The following CACNB2 variants were observed in gnomAD, a reference collection of about 807,000 sequenced individuals.
CACNB2 encodes voltage-dependent L-type calcium channel subunit beta-2.
A neutral mutation model predicts 73.3 loss-of-function variants in CACNB2; 42 were observed. The observed-to-expected ratio is 0.57, with a 90% CI of 0.45 to 0.74. The LOEUF is 0.74. Among genes scored for constraint, CACNB2 ranks in the 30% least tolerant of loss-of-function variants. The pLI is 0.00. For missense variants in CACNB2, 940 were observed against 853.0 expected (o/e 1.10, Z -1.27); for synonymous variants, 348 against 310.3 (o/e 1.12, Z -1.28).
chr10:18,388,581 C>T (rs2043332600), intron 2 of CACNB2, among the ~76,000 whole-genome samples: 1 of 152,130 alleles, frequency 6.6e-6, no homozygotes, highest in Non-Finnish European at 1.5e-5. Context: ...GAACCAAAGT[C>T]ATATCTTTCC....
At chr10:18,146,223 T>C (rs1386537004) in intron 1 of CACNB2, among the ~76,000 whole-genome samples, 3 of 152,164 alleles carry the variant, frequency 2.0e-5, no homozygotes, top group Admixed American at 2.0e-4. Flanking sequence ...TGGCTTTGTT[T>C]GTTTTAGGTC....
chr10:18,268,520 C>T lies in CACNB2; in HGVS notation c.213+117545C>T, dbSNP rs147825130. ...AGAATACGTTATATAAAAATTAAGA[C>T]GTAGAGCAATGTATATAGTATGATT... On this transcript the variant is annotated intron_variant, in intron 2 of 13. Coordinates refer to ENST00000324631, the MANE Select transcript of CACNB2 (RefSeq NM_201596.3). Among the ~76,000 whole-genome samples the T allele has an allele frequency of 5.1e-3, 780 of 152,206 alleles. 14 individuals are homozygous for T. Among genetic ancestry groups the T allele is most frequent in the African/African-American group, 0.017 (717 of 41,526 alleles).
At chr10:18,231,195 G>T (rs544885906) in intron 2 of CACNB2, among the ~76,000 whole-genome samples, 1 of 152,078 alleles carries the variant, frequency 6.6e-6, no homozygotes, top group African/African-American at 2.4e-5. Context: ...CTTCTTTTTT[G>T]AGACAGCGTT....
chr10:18,154,951 T>C (rs966603758), intron 2 of CACNB2, among the ~76,000 whole-genome samples: 11 of 152,210 alleles, frequency 7.2e-5, no homozygotes, highest in African/African-American at 2.7e-4. Flanking sequence ...AAATTAATTA[T>C]TGTTGAAACC....
chr10:18,181,297 A>G (rs192364548), intron 2 of CACNB2, among the ~76,000 whole-genome samples: 66 of 152,228 alleles, frequency 4.3e-4, no homozygotes, highest in African/African-American at 1.5e-3. Flanking sequence ...ATTTTAAGAC[A>G]TTCTCACAAA....
intron 3 of CACNB2, among the ~76,000 whole-genome samples, chr10:18,419,173 A>G (rs1044078676): frequency 1.3e-5 from 2 of 152,214 alleles, no homozygotes; most frequent in Non-Finnish European, 2.9e-5. Context: ...GGGAAGAACT[A>G]CTTGCTTCTC....
chr10:18,261,052 C>T, intron 2 of CACNB2: 1 of 1,414,604 alleles, frequency 7.1e-7, no homozygotes, highest in Non-Finnish European at 9.2e-7. Flanking sequence ...CGCCCCCCAC[C>T]CCCAAAAAAA....
intron 3 of CACNB2, among the ~76,000 whole-genome samples, chr10:18,476,842 G>A (rs546726967): frequency 3.3e-5 from 5 of 151,998 alleles, no homozygotes; most frequent in South Asian, 2.1e-4. Flanking sequence ...GTGAAACTCC[G>A]TCTCTACCAA....
intron 2 of CACNB2, among the ~76,000 whole-genome samples, chr10:18,222,004 C>T (rs1398226238): frequency 6.6e-6 from 1 of 152,162 alleles, no homozygotes; most frequent in Non-Finnish European, 1.5e-5. Context: ...TTATGCAGTC[C>T]TAGAGATTGG....
chr10:18,226,628 G>C (rs533186152), intron 2 of CACNB2, among the ~76,000 whole-genome samples: 8 of 152,226 alleles, frequency 5.3e-5, no homozygotes, highest in Non-Finnish European at 1.0e-4. Context: ...GCGTGTGGCC[G>C]TATGATCACT....
At chr10:18,242,124 T>G (rs1470578307) in intron 2 of CACNB2, among the ~76,000 whole-genome samples, 2 of 151,836 alleles carry the variant, frequency 1.3e-5, no homozygotes, top group Non-Finnish European at 2.9e-5. Context: ...TGTGTGTGTG[T>G]GTATATATAT....
chr10:18,288,131 C>A (rs1266235626), intron 2 of CACNB2, among the ~76,000 whole-genome samples: 1 of 152,202 alleles, frequency 6.6e-6, no homozygotes, highest in Non-Finnish European at 1.5e-5. Flanking sequence ...CTCATTTGAA[C>A]CTGATTACCT....
At chr10:18,238,850 C>T (rs2036544409) in intron 2 of CACNB2, among the ~76,000 whole-genome samples, 1 of 152,180 alleles carries the variant, frequency 6.6e-6, no homozygotes, top group South Asian at 2.1e-4. Context: ...AACCGTAAAC[C>T]ATTCAACTAT....
At chr10:18,357,508 C>T (rs1279741037) in intron 2 of CACNB2, among the ~76,000 whole-genome samples, 1 of 152,184 alleles carries the variant, frequency 6.6e-6, no homozygotes, top group African/African-American at 2.4e-5. Flanking sequence ...TGTACACCTA[C>T]AGGTGTGCGG....
intron 2 of CACNB2, among the ~76,000 whole-genome samples, chr10:18,190,987 C>T (rs568140262): frequency 6.6e-6 from 1 of 152,344 alleles, no homozygotes; most frequent in Admixed American, 6.5e-5. Flanking sequence ...CCTGACAGAG[C>T]AGAGAATGCA....
intron 3 of CACNB2, among the ~76,000 whole-genome samples, chr10:18,445,241 TCTAGCAG>T (rs979936329): frequency 2.6e-5 from 4 of 152,216 alleles, no homozygotes; most frequent in Non-Finnish European, 4.4e-5. Context: ...GGGGAAATTG[TCTAGCAG>T]CTGGCACCCT....
At chr10:18,528,650 A>G (rs2052708393) in intron 10 of CACNB2, among the ~76,000 whole-genome samples, 1 of 152,226 alleles carries the variant, frequency 6.6e-6, no homozygotes, top group African/African-American at 2.4e-5. Context: ...AGCATGATAC[A>G]TTATAGAACT....
At chr10:18,225,549 T>G (rs530831470) in intron 2 of CACNB2, among the ~76,000 whole-genome samples, 3 of 147,236 alleles carry the variant, frequency 2.0e-5, no homozygotes, top group African/African-American at 7.6e-5. Flanking sequence ...TTTCTTTTCT[T>G]TCTTTTCCCT....
chr10:18,434,727 G>A lies in CACNB2; in HGVS notation c.333+32684G>A, dbSNP rs2046050809. On this transcript the variant is annotated intron_variant, in intron 3 of 13. Coordinates refer to ENST00000324631, the MANE Select transcript of CACNB2 (RefSeq NM_201596.3). ...TAAAAAAATTATTGAACACCTCAGT[G>A]AGCTTTTGCTTGTATAGCTTATGCC... Among the ~76,000 whole-genome samples, 3 of 152,170 alleles carry A rather than the reference G, an allele frequency of 2.0e-5. No individual in the cohort carries two copies. In the South Asian group the frequency reaches 6.2e-4, roughly 32 times the overall value.
Sources: allele counts gnomAD v4.1 joint callset (sites outside exome capture counted in the v4.1 genomes callset), GRCh38; gene constraint gnomAD v4.1.1; transcripts MANE v1.5; gene names NCBI Gene and HGNC (gene_info 2026-07-23, HGNC 2026-07-21).